Variants in CCDC50 observed in about 807,000 individuals in gnomAD.
CCDC50 encodes coiled-coil domain-containing protein 50.
Under a neutral mutation model 70.2 loss-of-function variants are expected in CCDC50, and 54 were observed. The ratio of observed to expected loss-of-function variants is 0.77; its 90% CI spans 0.62 to 0.96. The LOEUF is 0.96. CCDC50 is among the 50% of genes least tolerant of loss of function. The probability of loss-of-function intolerance (pLI) is 0.00; values close to 1 mark genes in which losing one functional copy is unlikely to be tolerated. For missense variants in CCDC50, 558 were observed against 578.7 expected (o/e 0.96, Z 0.37); for synonymous variants, 216 against 198.8 (o/e 1.09, Z -0.73).
rs114836783 is a variant in CCDC50 at position 191,362,317 on chromosome 3, G to C, written c.330+1158G>C. The stretch of plus-strand genomic sequence containing the variant: ...ACATTTTTTTTTTTGTAGAGACGAG[G>C]TCTCACTATGTTGCCCAGGCTGGTT... On this transcript the variant is annotated intron_variant, in intron 4 of 11. Transcript: ENST00000392455. Among the ~76,000 whole-genome samples the C allele has an allele frequency of 3.0e-3, 453 of 151,998 alleles. 3 individuals carry two copies. Among genetic ancestry groups the C allele is most frequent in the African/African-American group, 0.01 (435 of 41,440 alleles).
chr3:191,375,356 G>A lies in CCDC50; in HGVS notation c.743G>A (p.Ser248Asn), dbSNP rs1560168163. 24 of 1,613,708 alleles carry A rather than the reference G, an allele frequency of 1.5e-5. No homozygotes were observed. Among genetic ancestry groups the A allele is most frequent in the Non-Finnish European group, 1.9e-5 (23 of 1,179,824 alleles). The change falls in exon 6 of 12, where the codon AGC (serine) becomes AAC (asparagine). Residue 248 changes from serine to asparagine, a missense_variant. Transcript: ENST00000392455. ...ACGATCAGTGGTGAAGTGTTTCTGA[G>A]CACTGAATGTGATGACTGGGAGACT... Reference protein sequence around the residue: ...LPTISGEVFLSTECDDWETKI... With the variant: ...LPTISGEVFLNTECDDWETKI...
chr3:191,385,865 A>G (rs1713476039), intron 10 of CCDC50, among the ~76,000 whole-genome samples: 1 of 152,066 alleles, frequency 6.6e-6, no homozygotes, highest in African/African-American at 2.4e-5. Context: ...TCCCAGCACC[A>G]TTTTTTGAAT....
At chr3:191,334,091 T>C (rs542171560) in intron 1 of CCDC50, among the ~76,000 whole-genome samples, 3 of 152,306 alleles carry the variant, frequency 2.0e-5, no homozygotes, top group East Asian at 1.9e-4. Context: ...TACAAAGCAA[T>C]ATCACTCAAT....
intron 9 of CCDC50, among the ~76,000 whole-genome samples, chr3:191,382,172 G>A (rs899743803): frequency 3.9e-5 from 6 of 152,122 alleles, no homozygotes; most frequent in African/African-American, 9.7e-5. Flanking sequence ...GGAATCAAGC[G>A]TGTCAGAAGG....
intron 11 of CCDC50, among the ~76,000 whole-genome samples, chr3:191,390,123 T>G (rs1436026450): frequency 3.3e-5 from 5 of 152,112 alleles, no homozygotes; most frequent in Non-Finnish European, 7.4e-5. Context: ...GTGCTGGGAT[T>G]ATAGGCATGA....
At chr3:191,380,373 G>T in intron 7 of CCDC50, 99 bp downstream of exon 7, 1 of 811,434 alleles carries the variant, frequency 1.2e-6, no homozygotes, top group Non-Finnish European at 2.1e-6. Flanking sequence ...TCTATCAATT[G>T]AGAAACCTTT....
In CCDC50 at chr3:191,388,105, G is replaced by GA. The variant is rs1560173110; in HGVS notation, c.1323-1385dup. On this transcript the variant is annotated intron_variant, in intron 10 of 11. Coordinates refer to ENST00000392455, the MANE Select transcript of CCDC50 (RefSeq NM_178335.3). Reference sequence around the variant, plus strand: ...ACAAATGATTTAAAAATAAAAATTAGAAAAAATGCATTATTCACTATGTTT... The same window carrying GA: ...ACAAATGATTTAAAAATAAAAATTAGAAAAAAATGCATTATTCACTATGTTT... Among the ~76,000 whole-genome samples the GA allele has an allele frequency of 2.6e-5, 4 of 151,268 alleles. 2 individuals carry two copies. In the South Asian group the frequency reaches 8.4e-4, roughly 32 times the overall value.
chr3:191,375,121 C>T lies in CCDC50; in HGVS notation c.508C>T (p.Leu170Phe). Residue 170 changes from leucine (L) to phenylalanine (F), a missense_variant, in exon 6 of 12, where the codon CTC becomes TTC. Coordinates refer to ENST00000392455, the MANE Select transcript of CCDC50 (RefSeq NM_178335.3). ...LGSGFSRPCR[L>F]QRDGKTVKHK... ...TTCTGGATTCTCAAGACCTTGTAGA[C>T]TCCAAAGAGATGGAAAGACTGTGAA... 1 of 1,613,648 alleles carries T rather than the reference C, an allele frequency of 6.2e-7. No individual in the cohort carries two copies. Among genetic ancestry groups the T allele is most frequent in the South Asian group, 1.1e-5 (1 of 91,074 alleles).
rs763498226 is a variant in CCDC50 at position 191,361,131 on chromosome 3, G to A, written c.302G>A (p.Arg101Lys). 2 of 1,613,744 alleles carry A rather than the reference G, an allele frequency of 1.2e-6. No homozygotes were observed. Among genetic ancestry groups the A allele is most frequent in the Admixed American group, 3.3e-5 (2 of 60,018 alleles). The change falls in exon 4 of 12, where the codon AGA becomes AAA. Residue 101 changes from arginine (R) to lysine (K), a missense_variant. Transcript: ENST00000392455. ...IQEKLAIEAE[R>K]RRIQEKKDED... ...GAGAAGCTGGCTATTGAGGCAGAGA[G>A]ACGACGCATTCAGGAGAAGAAGGAT...
At chr3:191,386,801 C>G (rs1384377195) in intron 10 of CCDC50, among the ~76,000 whole-genome samples, 2 of 152,114 alleles carry the variant, frequency 1.3e-5, no homozygotes, top group Non-Finnish European at 2.9e-5. Context: ...AGGAGAACTG[C>G]AAAACACTGT....
intron 2 of CCDC50, among the ~76,000 whole-genome samples, chr3:191,357,480 T>C (rs1302490181): frequency 2.0e-5 from 3 of 152,202 alleles, no homozygotes; most frequent in Non-Finnish European, 4.4e-5. Context: ...TTCTTGCTCC[T>C]AGGATAGGGA....
intron 10 of CCDC50, among the ~76,000 whole-genome samples, chr3:191,387,996 C>A (rs1453014854): frequency 6.6e-6 from 1 of 151,780 alleles, no homozygotes; most frequent in African/African-American, 2.4e-5. Context: ...ATTTTTCTAC[C>A]AAGTCTTACA....
intron 2 of CCDC50, among the ~76,000 whole-genome samples, chr3:191,357,644 T>TA (rs1448189909): frequency 6.6e-6 from 1 of 152,222 alleles, no homozygotes; most frequent in Non-Finnish European, 1.5e-5. Flanking sequence ...TGAATTCACA[T>TA]ATCAATATAA....
intron 1 of CCDC50, among the ~76,000 whole-genome samples, chr3:191,343,089 G>A (rs1402958208): frequency 6.6e-6 from 1 of 152,136 alleles, no homozygotes; most frequent in Non-Finnish European, 1.5e-5. Context: ...CAAGGCCTGT[G>A]TATACTGAGG....
intron 6 of CCDC50, among the ~76,000 whole-genome samples, chr3:191,378,284 C>T (rs1441847789): frequency 6.6e-6 from 1 of 152,128 alleles, no homozygotes; most frequent in South Asian, 2.1e-4. Flanking sequence ...ACAGTCTTAT[C>T]ACCCTGTCAA....
chr3:191,359,330 G>T (rs1435748467), intron 3 of CCDC50, among the ~76,000 whole-genome samples: 1 of 152,198 alleles, frequency 6.6e-6, no homozygotes, highest in Non-Finnish European at 1.5e-5. Context: ...TCAATCTCAC[G>T]TTAGCTGCAA....
At chr3:191,349,295 A>G (rs1560158728) in intron 1 of CCDC50, among the ~76,000 whole-genome samples, 1 of 142,370 alleles carries the variant, frequency 7.0e-6, no homozygotes. Context: ...ACTCTAACAG[A>G]TTAGGGAGAC....
chr3:191,350,020 A>G (rs1712055304), intron 1 of CCDC50, among the ~76,000 whole-genome samples: 1 of 121,488 alleles, frequency 8.2e-6, no homozygotes, highest in Non-Finnish European at 1.8e-5. Context: ...ATCTGGGGCA[A>G]GAAGAGGTGG....
chr3:191,341,680 A>G (rs1711737909), intron 1 of CCDC50, among the ~76,000 whole-genome samples: 1 of 152,206 alleles, frequency 6.6e-6, no homozygotes, highest in African/African-American at 2.4e-5. Context: ...AAGAGTTCAC[A>G]TGTAACTGAA....
Sources: allele counts gnomAD v4.1 joint callset (sites outside exome capture counted in the v4.1 genomes callset), GRCh38; gene constraint gnomAD v4.1.1; transcripts MANE v1.5; gene names NCBI Gene and HGNC (gene_info 2026-07-23, HGNC 2026-07-21).